Variants in BBS9 observed in about 807,000 individuals in gnomAD.
BBS9 encodes the protein Bardet-Biedl syndrome 9, also known as protein PTHB1.
A neutral mutation model predicts 117.7 loss-of-function variants in BBS9; 89 were observed. The observed-to-expected ratio is 0.76, with a 90% CI of 0.64 to 0.90. BBS9 has a LOEUF of 0.90. BBS9 is among the 40% of genes least tolerant of loss of function. BBS9 has a pLI of 0.00. For missense variants in BBS9, 982 were observed against 1,042.2 expected (o/e 0.94, Z 0.80); for synonymous variants, 379 against 370.9 (o/e 1.02, Z -0.25).
At position 33,395,239 on chromosome 7, in the gene BBS9, G is replaced by A. The variant is rs377331751; in HGVS notation, c.2115+7095G>A. Among the ~76,000 whole-genome samples, 4 of 151,942 alleles carry A rather than the reference G, an allele frequency of 2.6e-5. No homozygotes were observed. In the East Asian group the frequency reaches 7.7e-4, roughly 29 times the overall value. On this transcript the variant is annotated intron_variant, in intron 19 of 22. Coordinates refer to ENST00000242067, the MANE Select transcript of BBS9 (RefSeq NM_198428.3). ...AACAAGTATCAGAGGACTTTTTTTG[G>A]GTGTGTGACTTTGTTGATTTCACTT... is the stretch of plus-strand genomic sequence containing the variant.
chr7:33,575,619 A>G (rs1031577901), intron 21 of BBS9, among the ~76,000 whole-genome samples: 1 of 152,134 alleles, frequency 6.6e-6, no homozygotes, highest in African/African-American at 2.4e-5. Flanking sequence ...AGAATTTTAG[A>G]CCAATATCCC....
chr7:33,482,690 C>T (rs1025714903), intron 19 of BBS9, among the ~76,000 whole-genome samples: 1 of 152,126 alleles, frequency 6.6e-6, no homozygotes, highest in Non-Finnish European at 1.5e-5. Flanking sequence ...ATTTCCAGTT[C>T]AGTTGAAATT....
intron 9 of BBS9, among the ~76,000 whole-genome samples, chr7:33,303,267 T>A (rs1806888001): frequency 6.6e-6 from 1 of 152,180 alleles, no homozygotes; most frequent in African/African-American, 2.4e-5. Context: ...TTTTCTGTAG[T>A]CCAATTGATC....
chr7:33,607,302 A>G (rs577677243), downstream of BBS9, among the ~76,000 whole-genome samples: 1 of 152,246 alleles, frequency 6.6e-6, no homozygotes, highest in Non-Finnish European at 1.5e-5. Context: ...GCTGAGAGGA[A>G]GCTGATGTGA....
In BBS9 at chr7:33,605,467, G is replaced by A. The variant is rs1864464947; in HGVS notation, c.*241G>A. The A allele has an allele frequency of 1.7e-6, 1 of 573,814 alleles. No individual in the cohort carries two copies. Among genetic ancestry groups the A allele is most frequent in the Non-Finnish European group, 3.1e-6 (1 of 320,352 alleles). The allele number at this position is 573,814 out of a possible 1,614,324, so 35.5% of individuals were successfully genotyped here. On this transcript the variant is annotated 3_prime_UTR_variant, in exon 23 of 23. Transcript: ENST00000242067. ...CCAGGAAAGGAAGTAGTTGCCTTTG[G>A]TCATCCATCTGCTAATAGTCACAGA...
intron 9 of BBS9, among the ~76,000 whole-genome samples, chr7:33,276,343 TA>T (rs2128354443): frequency 6.6e-6 from 1 of 152,358 alleles, no homozygotes; most frequent in South Asian, 2.1e-4. Context: ...AGTCACATCT[TA>T]AATCTTATTA....
chr7:33,533,714 G>A (rs1850936867), intron 20 of BBS9: 3 of 549,412 alleles, frequency 5.5e-6, no homozygotes, highest in East Asian at 6.4e-5. Flanking sequence ...GGGACAGACT[G>A]TTAACATCCT....
At chr7:33,325,915 A>G (rs561348422) in intron 9 of BBS9, among the ~76,000 whole-genome samples, 10 of 152,148 alleles carry the variant, frequency 6.6e-5, no homozygotes, top group African/African-American at 1.9e-4. Context: ...GCCACCACCA[A>G]TGGGAGTATG....
intron 19 of BBS9, among the ~76,000 whole-genome samples, chr7:33,438,181 A>G (rs1835603003): frequency 6.6e-6 from 1 of 152,200 alleles, no homozygotes; most frequent in Admixed American, 6.5e-5. Context: ...ACCATAAACA[A>G]AAATAAATCT....
chr7:33,632,603 A>C (rs1865945476), intron 21 of BBS9, among the ~76,000 whole-genome samples: 1 of 151,228 alleles, frequency 6.6e-6, no homozygotes, highest in African/African-American at 2.4e-5. Context: ...TCCCAGAATG[A>C]CCCATTCGGG....
At chr7:33,332,857 CAT>C (rs1433905296) in intron 9 of BBS9, among the ~76,000 whole-genome samples, 3 of 152,170 alleles carry the variant, frequency 2.0e-5, no homozygotes, top group Middle Eastern at 3.4e-3. Flanking sequence ...GTAAAATACA[CAT>C]AACATAAAAT....
chr7:33,494,886 A>G (rs1251756257), intron 19 of BBS9, among the ~76,000 whole-genome samples: 2 of 152,162 alleles, frequency 1.3e-5, no homozygotes, highest in Non-Finnish European at 2.9e-5. Context: ...AATAACCTAC[A>G]GTTTACCCTA....
At chr7:33,322,689 T>C (rs957479298) in intron 9 of BBS9, among the ~76,000 whole-genome samples, 1 of 152,074 alleles carries the variant, frequency 6.6e-6, no homozygotes, top group African/African-American at 2.4e-5. Flanking sequence ...AAAATAACCT[T>C]TTCTTTCATT....
At chr7:33,526,647 T>G (rs1849550910) in intron 20 of BBS9, among the ~76,000 whole-genome samples, 1 of 147,218 alleles carries the variant, frequency 6.8e-6, no homozygotes, top group South Asian at 2.2e-4. Context: ...TTATACATTC[T>G]TCTTAATTTT....
intron 19 of BBS9, among the ~76,000 whole-genome samples, chr7:33,491,447 C>T (rs558352986): frequency 2.0e-5 from 3 of 152,276 alleles, no homozygotes; most frequent in African/African-American, 4.8e-5. Flanking sequence ...AACTGGTATT[C>T]TAGGTACTAG....
chr7:33,298,297 A>C (rs1359647870), intron 9 of BBS9, among the ~76,000 whole-genome samples: 1 of 152,128 alleles, frequency 6.6e-6, no homozygotes, highest in Non-Finnish European at 1.5e-5. Flanking sequence ...TGGGCAAGCT[A>C]TTTAAGTTCT....
At chr7:33,569,453 A>G (rs1334891077) in intron 21 of BBS9, among the ~76,000 whole-genome samples, 2 of 152,138 alleles carry the variant, frequency 1.3e-5, no homozygotes, top group East Asian at 1.9e-4. Flanking sequence ...ATGCAGATAT[A>G]TAAATGCAAA....
chr7:33,191,985 C>G (rs1379569948), intron 5 of BBS9, among the ~76,000 whole-genome samples: 11 of 150,430 alleles, frequency 7.3e-5, no homozygotes, highest in Admixed American at 7.3e-4. Context: ...CACCACCTCC[C>G]AAACGCAACC....
chr7:33,138,720 A>G (rs1357003121), intron 1 of BBS9, among the ~76,000 whole-genome samples: 2 of 150,794 alleles, frequency 1.3e-5, no homozygotes, highest in Non-Finnish European at 2.9e-5. Context: ...CTGTAGCCTC[A>G]ACTCCTGGGC....
Sources: gnomAD v4.1 joint callset for allele counts (sites outside exome capture counted in the v4.1 genomes callset) on GRCh38, gnomAD v4.1.1 for gene constraint, MANE v1.5 for transcripts, NCBI Gene and HGNC (gene_info 2026-07-23, HGNC 2026-07-21) for gene names.